MAGI2: variants seen among roughly 807,000 people sequenced by gnomAD.
MAGI2 encodes the protein membrane associated guanylate kinase, WW and PDZ domain containing 2, also known as membrane-associated guanylate kinase, WW and PDZ domain-containing protein 2.
A neutral mutation model predicts 133.3 loss-of-function variants in MAGI2; 35 were observed. The observed-to-expected ratio is 0.26, with a 90% CI of 0.20 to 0.35. MAGI2 has a LOEUF of 0.35. Among genes scored for constraint, MAGI2 ranks in the 10% least tolerant of loss-of-function variants. The pLI is 1.00. For synonymous variants in MAGI2, 729 were observed against 710.6 expected, an observed-to-expected ratio of 1.03 and a Z score of -0.41; for missense variants, 1,636 against 1,863.4, an observed-to-expected ratio of 0.88 and a Z score of 2.25.
intron 1 of MAGI2, among the ~76,000 whole-genome samples, chr7:79,157,941 AGTGT>A (rs60535225): frequency 0.61 from 81,884 of 134,740 alleles, 26,777 homozygotes; most frequent in Non-Finnish European, 0.74. Flanking sequence ...TCTTTGTGTG[AGTGT>A]GTGTGTGTGT....
chr7:78,750,088 G>A (rs1823306600), intron 2 of MAGI2, among the ~76,000 whole-genome samples: 1 of 152,028 alleles, frequency 6.6e-6, no homozygotes, highest in South Asian at 2.1e-4. Flanking sequence ...ATCTCCATGT[G>A]TTTTCACTGT....
chr7:79,042,709 G>T (rs1811781249), intron 1 of MAGI2, among the ~76,000 whole-genome samples: 1 of 152,002 alleles, frequency 6.6e-6, no homozygotes, highest in Non-Finnish European at 1.5e-5. Context: ...AAGATATTTG[G>T]GATCTGAATT....
intron 1 of MAGI2, among the ~76,000 whole-genome samples, chr7:79,073,022 G>GACAAAA (rs1195924917): frequency 6.6e-6 from 1 of 151,622 alleles, no homozygotes; most frequent in Non-Finnish European, 1.5e-5. Flanking sequence ...GAGTCAAAAA[G>GACAAAA]ACAAAAACAA....
chr7:78,490,207 G>T (rs779631672), intron 5 of MAGI2, among the ~76,000 whole-genome samples: 1 of 152,038 alleles, frequency 6.6e-6, no homozygotes. Flanking sequence ...TTTTGCAAAA[G>T]AATTATTTTC....
At chr7:79,043,192 C>A (rs1305474885) in intron 1 of MAGI2, among the ~76,000 whole-genome samples, 1 of 151,466 alleles carries the variant, frequency 6.6e-6, no homozygotes. Flanking sequence ...CAAGAGCAAG[C>A]CAACCCCAAA....
chr7:78,746,815 C>A (rs1053319049), intron 2 of MAGI2, among the ~76,000 whole-genome samples: 1 of 152,106 alleles, frequency 6.6e-6, no homozygotes, highest in Non-Finnish European at 1.5e-5. Context: ...ATGTGCTTCC[C>A]ACCCCCAATT....
intron 2 of MAGI2, among the ~76,000 whole-genome samples, chr7:78,823,188 C>G (rs559785257): frequency 6.6e-6 from 1 of 152,238 alleles, no homozygotes; most frequent in Admixed American, 6.5e-5. Flanking sequence ...GTAGGTAGAT[C>G]CCTACCTTGT....
intron 7 of MAGI2, among the ~76,000 whole-genome samples, chr7:78,348,965 A>ACC (rs1257407321): frequency 6.6e-6 from 1 of 152,202 alleles, no homozygotes; most frequent in East Asian, 1.9e-4. Context: ...TTTAAGATGC[A>ACC]CCGAAGCCAG....
chr7:78,490,366 T>A (rs573093858), intron 5 of MAGI2, among the ~76,000 whole-genome samples: 9 of 152,212 alleles, frequency 5.9e-5, no homozygotes, highest in Non-Finnish European at 1.3e-4. Context: ...TTTTATTAAC[T>A]CACATTAAAC....
chr7:79,029,438 C>T (rs1209775071), intron 1 of MAGI2, among the ~76,000 whole-genome samples: 2 of 152,066 alleles, frequency 1.3e-5, no homozygotes, highest in African/African-American at 2.4e-5. Flanking sequence ...AAGACCCCCC[C>T]AAACCCAACC....
intron 9 of MAGI2, among the ~76,000 whole-genome samples, chr7:78,266,329 G>T (rs1794001468): frequency 6.6e-6 from 1 of 151,818 alleles, no homozygotes; most frequent in Non-Finnish European, 1.5e-5. Flanking sequence ...GCTCCCCGAG[G>T]AGCTGGGGCT....
chr7:78,508,807 G>A (rs2150549782), intron 4 of MAGI2, among the ~76,000 whole-genome samples: 1 of 152,192 alleles, frequency 6.6e-6, no homozygotes, highest in Non-Finnish European at 1.5e-5. Context: ...ATTTGATTAG[G>A]AAGTGGCTAA....
intron 3 of MAGI2, among the ~76,000 whole-genome samples, chr7:78,561,730 C>T (rs557872795): frequency 8.9e-4 from 136 of 152,108 alleles, no homozygotes; most frequent in South Asian, 4.2e-3. Flanking sequence ...TTTCAACCAA[C>T]GCAGGAAGCA....
chr7:78,976,511 A>T (rs1804265756), intron 2 of MAGI2, among the ~76,000 whole-genome samples: 1 of 151,382 alleles, frequency 6.6e-6, no homozygotes, highest in Non-Finnish European at 1.5e-5. Context: ...TTTTGATGAG[A>T]GATTGGATGC....
chr7:79,176,523 A>G (rs1826112806), intron 1 of MAGI2, among the ~76,000 whole-genome samples: 1 of 152,092 alleles, frequency 6.6e-6, no homozygotes, highest in Admixed American at 6.6e-5. Context: ...ACTTCAGTGA[A>G]TACAGGTGTA....
At chr7:78,524,329 G>C (rs2150595838) in intron 3 of MAGI2, among the ~76,000 whole-genome samples, 1 of 152,160 alleles carries the variant, frequency 6.6e-6, no homozygotes, top group East Asian at 1.9e-4. Flanking sequence ...TTCTCACTGG[G>C]TTGTTGTGAA....
chr7:78,878,523 AAT>A (rs1795599964), intron 2 of MAGI2, among the ~76,000 whole-genome samples: 1 of 152,228 alleles, frequency 6.6e-6, no homozygotes, highest in African/African-American at 2.4e-5. Context: ...TAAGACAGTC[AAT>A]ATAGAGTTTC....
intron 21 of MAGI2, chr7:78,026,003 A>C (rs760365349): frequency 4.6e-5 from 7 of 152,556 alleles, no homozygotes; most frequent in Non-Finnish European, 8.8e-5. Context: ...GATAGACTCT[A>C]AATATCTTAT....
At chr7:79,441,843 AT>A (rs1435763782) in intron 1 of MAGI2, among the ~76,000 whole-genome samples, 2 of 152,086 alleles carry the variant, frequency 1.3e-5, no homozygotes, top group African/African-American at 2.4e-5. Context: ...TTTAATAATT[AT>A]TTTTTATAAT....
Sources: gnomAD v4.1 joint callset for allele counts (sites outside exome capture counted in the v4.1 genomes callset) on GRCh38, gnomAD v4.1.1 for gene constraint, MANE v1.5 for transcripts, NCBI Gene and HGNC (gene_info 2026-07-23, HGNC 2026-07-21) for gene names.